The following GABRG3 variants were observed in gnomAD, a reference collection of about 807,000 sequenced individuals.
The protein encoded by GABRG3 is gamma-aminobutyric acid receptor subunit gamma-3.
A neutral mutation model predicts 48.8 loss-of-function variants in GABRG3; 25 were observed. The ratio of observed to expected loss-of-function variants is 0.51; its 90% CI spans 0.37 to 0.72. The LOEUF (loss-of-function observed/expected upper bound fraction) is 0.72, where lower values mean the gene tolerates loss of function less well. GABRG3 is among the 30% of genes least tolerant of loss of function. The pLI, the probability that GABRG3 is intolerant of heterozygous loss-of-function variation, is 0.00. For missense variants in GABRG3, 394 were observed against 577.9 expected (o/e 0.68, Z 3.26); for synonymous variants, 227 against 217.6 (o/e 1.04, Z -0.38).
chr15:27,529,449 G>A (rs911205224), intron 9 of GABRG3, among the ~76,000 whole-genome samples: 18 of 151,916 alleles, frequency 1.2e-4, no homozygotes, highest in Non-Finnish European at 2.4e-4. Context: ...AATGTTTCAA[G>A]CCCCCCCATA....
rs922294203 is a variant in GABRG3, at chr15:26,975,035, C to T, written c.54-1967C>T. Among the ~76,000 whole-genome samples the T allele has an allele frequency of 1.8e-4, 27 of 151,538 alleles. No homozygotes were observed. The highest frequency in any genetic ancestry group is 5.3e-4 in the Admixed American group (8 of 15,204). ...ACTACAGGCATGTGCCACCATGCCC[C>T]GCTAATTTTTTTTGTATTTTTAGTA... On this transcript the variant is annotated intron_variant, in intron 1 of 9. Transcript: ENST00000615808. This position sits in a 1 kb window ranked among gnomAD's most constrained non-coding sequence, Gnocchi z 4.6.
chr15:27,518,369 CAA>C (rs3058095), intron 6 of GABRG3, among the ~76,000 whole-genome samples: 18 of 126,882 alleles, frequency 1.4e-4, no homozygotes, highest in African/African-American at 5.1e-4. Context: ...AACTCTGTCT[CAA>C]AAAAAAAAAA....
intron 5 of GABRG3, among the ~76,000 whole-genome samples, chr15:27,465,073 GGCACAGAGCCCGTGAATGTT>G (rs1360843585): frequency 2.0e-5 from 3 of 152,200 alleles, no homozygotes; most frequent in Admixed American, 2.0e-4. Context: ...CATGCTTCCA[GGCACAGAGCCCGTGAATGTT>G]TCCCCAGCCT....
chr15:27,490,506 A>T (rs886482000), intron 6 of GABRG3, among the ~76,000 whole-genome samples: 1 of 152,198 alleles, frequency 6.6e-6, no homozygotes, highest in African/African-American at 2.4e-5. Flanking sequence ...GAAGAAATGC[A>T]GGCCTGTTTC....
At chr15:27,137,382 C>T (rs208172) in intron 3 of GABRG3, among the ~76,000 whole-genome samples, 35,951 of 151,906 alleles carry the variant, frequency 0.24, 4,914 homozygotes, top group African/African-American at 0.36. Context: ...TCTATAAGAA[C>T]AGAGCTTGAG....
chr15:27,541,654 A>G lies in GABRG3; in HGVS notation c.*8773A>G, dbSNP rs1343277631. 1 of 152,246 alleles carries G rather than the reference A, an allele frequency of 6.6e-6. No individual in the cohort carries two copies. Among genetic ancestry groups the G allele is most frequent in the African/African-American group, 2.4e-5 (1 of 41,446 alleles). 9.4% of individuals were successfully genotyped at this position (152,246 alleles called of 1,614,324 possible). A position where few individuals can be genotyped will look rare whatever the true frequency, so the allele number is the denominator to read the frequency against. The stretch of plus-strand genomic sequence containing the variant: ...CCTGCCCCAGCAGGGACCCGCCCTC[A>G]CCAAGTGGCCTCCAGTAGCCCCTGT... On this transcript the variant is annotated 3_prime_UTR_variant, in exon 10 of 10. Coordinates refer to ENST00000615808, the MANE Select transcript of GABRG3 (RefSeq NM_033223.5).
intron 5 of GABRG3, among the ~76,000 whole-genome samples, chr15:27,337,198 C>T (rs1894004579): frequency 6.6e-6 from 1 of 152,056 alleles, no homozygotes; most frequent in Non-Finnish European, 1.5e-5. Context: ...TTCTAAATGT[C>T]TTCATTTTCA....
chr15:27,021,515 T>C (rs1424118821), intron 2 of GABRG3, among the ~76,000 whole-genome samples: 1 of 152,176 alleles, frequency 6.6e-6, no homozygotes, highest in Non-Finnish European at 1.5e-5. Context: ...GTTAAGTTAA[T>C]TTCCCTAAAA....
intron 3 of GABRG3, among the ~76,000 whole-genome samples, chr15:27,127,766 T>C (rs1164686514): frequency 6.6e-6 from 1 of 151,478 alleles, no homozygotes; most frequent in Non-Finnish European, 1.5e-5. Context: ...AACTCATACT[T>C]CATCTATATT....
intron 5 of GABRG3, among the ~76,000 whole-genome samples, chr15:27,358,801 G>C (rs1894926642): frequency 6.6e-6 from 1 of 152,184 alleles, no homozygotes; most frequent in Non-Finnish European, 1.5e-5. Context: ...AGGGCTTTTT[G>C]TTTTTCTGCC....
chr15:27,037,640 G>A (rs1034028020), intron 3 of GABRG3, among the ~76,000 whole-genome samples: 1 of 152,154 alleles, frequency 6.6e-6, no homozygotes, highest in Non-Finnish European at 1.5e-5. Context: ...GAAAAGGAAG[G>A]TGCTTATTAA....
At chr15:27,420,173 T>C (rs1888069280) in intron 5 of GABRG3, among the ~76,000 whole-genome samples, 1 of 152,210 alleles carries the variant, frequency 6.6e-6, no homozygotes. Context: ...TCAACTTCTT[T>C]CTTTTTCCTC....
intron 2 of GABRG3, among the ~76,000 whole-genome samples, chr15:27,010,684 A>T (rs1419863136): frequency 6.6e-6 from 1 of 152,074 alleles, no homozygotes; most frequent in Non-Finnish European, 1.5e-5. Context: ...TTCTCTATTT[A>T]AAAACACACC....
At chr15:27,073,989 C>T (rs1896868791) in intron 3 of GABRG3, among the ~76,000 whole-genome samples, 1 of 152,186 alleles carries the variant, frequency 6.6e-6, no homozygotes, top group Non-Finnish European at 1.5e-5. Context: ...TTCCACGTGG[C>T]TGGGGAAGCC....
intron 3 of GABRG3, among the ~76,000 whole-genome samples, chr15:27,099,152 T>C (rs1897314490): frequency 6.6e-6 from 1 of 152,222 alleles, no homozygotes; most frequent in Non-Finnish European, 1.5e-5. Flanking sequence ...GAGAAAATAC[T>C]TAGACAATTA....
chr15:26,998,793 A>T (rs7177474), intron 2 of GABRG3, among the ~76,000 whole-genome samples: 7,741 of 152,152 alleles, frequency 0.051, 640 homozygotes, highest in African/African-American at 0.18. Context: ...AGTTTTATAA[A>T]ACGAATCTAG....
At chr15:27,400,948 C>T (rs967746372) in intron 5 of GABRG3, among the ~76,000 whole-genome samples, 6 of 152,178 alleles carry the variant, frequency 3.9e-5, no homozygotes, top group East Asian at 1.9e-4. Context: ...TCTTCTCTTC[C>T]GCAAGTAGTC....
At chr15:27,147,657 C>A (rs1898234112) in intron 3 of GABRG3, among the ~76,000 whole-genome samples, 1 of 151,656 alleles carries the variant, frequency 6.6e-6, no homozygotes, top group Non-Finnish European at 1.5e-5. Flanking sequence ...AATGGGAAAT[C>A]AACAACAGAA....
At chr15:27,375,118 T>C (rs905864122) in intron 5 of GABRG3, among the ~76,000 whole-genome samples, 31 of 152,164 alleles carry the variant, frequency 2.0e-4, no homozygotes, top group African/African-American at 6.5e-4. Flanking sequence ...ACAAAATCTG[T>C]TGGGCCTGCA....
Sources: allele counts gnomAD v4.1 joint callset (sites outside exome capture counted in the v4.1 genomes callset), GRCh38; gene constraint gnomAD v4.1.1; non-coding constraint Gnocchi (gnomAD v3.1); transcripts MANE v1.5; gene names NCBI Gene and HGNC (gene_info 2026-07-23, HGNC 2026-07-21).